Variants in PCDH7 observed in about 807,000 individuals in gnomAD.
PCDH7 encodes protocadherin 7, also known as protocadherin-7.
Under a neutral mutation model 58.9 loss-of-function variants are expected in PCDH7, and 17 were observed. The observed-to-expected ratio is 0.29, with a 90% CI of 0.20 to 0.43. The LOEUF (loss-of-function observed/expected upper bound fraction) is 0.43, where lower values mean the gene tolerates loss of function less well. Ranked by LOEUF, PCDH7 falls within the 20% of genes least tolerant of loss-of-function variation. The pLI is 1.00. For missense variants in PCDH7, 1,274 were observed against 1,441.0 expected (o/e 0.88, Z 1.88); for synonymous variants, 664 against 616.4 (o/e 1.08, Z -1.14).
chr4:31,086,107 G>T (rs1197209431), intron 3 of PCDH7, among the ~76,000 whole-genome samples: 1 of 152,176 alleles, frequency 6.6e-6, no homozygotes. Flanking sequence ...TGGAAAAATA[G>T]AATCTTTTCA....
intron 3 of PCDH7, among the ~76,000 whole-genome samples, chr4:30,987,035 AGT>A: frequency 6.6e-6 from 1 of 152,282 alleles, no homozygotes; most frequent in East Asian, 1.9e-4. Context: ...TCTACAATAC[AGT>A]GTGACATTTT....
intron 3 of PCDH7, among the ~76,000 whole-genome samples, chr4:30,992,793 C>CTTTTT (rs577504420): frequency 9.2e-4 from 88 of 95,636 alleles, no homozygotes; most frequent in African/African-American, 1.7e-3. Flanking sequence ...CTGTCCCATT[C>CTTTTT]TTTTTTTTTT....
chr4:31,139,551 G>C (rs1456511375), intron 3 of PCDH7, among the ~76,000 whole-genome samples: 1 of 152,150 alleles, frequency 6.6e-6, no homozygotes, highest in Admixed American at 6.5e-5. Flanking sequence ...AATTGCATGT[G>C]ATGTTTATCT....
At chr4:30,734,258 A>G (rs1220020999), downstream of PCDH7, among the ~76,000 whole-genome samples, 1 of 149,520 alleles carries the variant, frequency 6.7e-6, no homozygotes, top group Non-Finnish European at 1.5e-5. Context: ...TTTGAGACAT[A>G]GTCTGGCTCC....
intron 2 of PCDH7, among the ~76,000 whole-genome samples, chr4:30,939,218 T>A (rs1676370725): frequency 6.6e-6 from 1 of 152,200 alleles, no homozygotes; most frequent in South Asian, 2.1e-4. Flanking sequence ...TTTAAGTTTC[T>A]GTTGAAAACT....
rs1430861851 is a variant in PCDH7 at position 31,105,954 on chromosome 4, C to T, written c.*8-36519C>T. Among the ~76,000 whole-genome samples, 3 of 151,254 alleles carry T rather than the reference C, an allele frequency of 2.0e-5. No individual in the cohort carries two copies. The South Asian group carries it at 6.2e-4, about 31-fold the overall frequency. On this transcript the variant is annotated intron_variant, in intron 3 of 3. Transcript: ENST00000509759. ...CCCGGGAGGCAGAGCTTGCAGTGAG[C>T]CGTAATCGCGCCACTGCACTCCAGC...
chr4:30,965,457 T>C (rs1286433390), intron 3 of PCDH7, among the ~76,000 whole-genome samples: 2 of 152,022 alleles, frequency 1.3e-5, no homozygotes, highest in Admixed American at 1.3e-4. Flanking sequence ...AAAACAATTT[T>C]ATGTTAAATT....
At chr4:30,949,480 A>T (rs938014051) in intron 2 of PCDH7, among the ~76,000 whole-genome samples, 1 of 152,146 alleles carries the variant, frequency 6.6e-6, no homozygotes, top group East Asian at 1.9e-4. Flanking sequence ...GTGCATTTAT[A>T]CTTTTTGAAA....
chr4:30,723,021 C>T lies in PCDH7; in HGVS notation c.1599C>T (p.Pro533=), dbSNP rs1713945588. 5 of 1,613,794 alleles carry T rather than the reference C, an allele frequency of 3.1e-6. No individual in the cohort carries two copies. In the African/African-American group the frequency reaches 5.3e-5, roughly 17 times the overall value. ...TGGGAGACACCAACGACAACCCGCC[C>T]ATGTTCGGCCAGTCGGTGGTGGAGG... Residue 533 remains proline (P), a synonymous_variant, in exon 1 of 2, where the codon CCC becomes CCT. Coordinates refer to ENST00000361762, the Ensembl canonical transcript of PCDH7. This position sits in a 1 kb window ranked among gnomAD's most constrained non-coding sequence, Gnocchi z 4.6.
At chr4:30,913,347 TAAAG>T (rs1164824055) in intron 1 of PCDH7, among the ~76,000 whole-genome samples, 1 of 152,002 alleles carries the variant, frequency 6.6e-6, no homozygotes, top group Admixed American at 6.6e-5. Flanking sequence ...AAATAAAAAA[TAAAG>T]AAGTTATTAT....
At chr4:31,089,515 C>T (rs1712945398) in intron 3 of PCDH7, among the ~76,000 whole-genome samples, 1 of 151,688 alleles carries the variant, frequency 6.6e-6, no homozygotes, top group East Asian at 1.9e-4. Flanking sequence ...ATATTAGATG[C>T]TGTATATAAA....
chr4:30,937,448 C>T (rs944533159), intron 2 of PCDH7, among the ~76,000 whole-genome samples: 4 of 152,064 alleles, frequency 2.6e-5, no homozygotes, highest in African/African-American at 9.7e-5. Flanking sequence ...ACACAAGTCA[C>T]AACCTTTCCT....
At position 30,722,958 on chromosome 4, in the gene PCDH7, C is replaced by G. The variant is rs1467187972; in HGVS notation, c.1536C>G (p.Ser512Arg). 1 of 1,613,696 alleles carries G rather than the reference C, an allele frequency of 6.2e-7. No individual in the cohort carries two copies. Among genetic ancestry groups the G allele is most frequent in the Non-Finnish European group, 8.5e-7 (1 of 1,180,032 alleles). The change falls in exon 1 of 2, where the codon AGC becomes AGG. Residue 512 changes from serine to arginine, a missense_variant. Physicochemically the swap from Ser to Arg is moderately radical, Grantham distance 110. Coordinates refer to ENST00000361762, the Ensembl canonical transcript of PCDH7. The surrounding 1 kb of genome is among the most constrained non-coding windows in gnomAD (Gnocchi z 7.6). ...TCATCGTGGCGGTGGACTCAGGCAG[C>G]CCCAGCCTCTCGAGCAACAACTCCC...
intron 2 of PCDH7, among the ~76,000 whole-genome samples, chr4:30,922,770 A>T (rs1480786917): frequency 6.6e-6 from 1 of 152,116 alleles, no homozygotes; most frequent in African/African-American, 2.4e-5. Flanking sequence ...TTTGTCATCT[A>T]CTGGCTGTGA....
chr4:30,776,323 G>A (rs1364282166), intron 1 of PCDH7: 3 of 152,202 alleles, frequency 2.0e-5, no homozygotes, highest in Non-Finnish European at 4.4e-5. Context: ...AAGAAGAATG[G>A]AATGTAGTCT....
At chr4:30,790,587 T>C (rs1723987917) in intron 1 of PCDH7, among the ~76,000 whole-genome samples, 1 of 152,196 alleles carries the variant, frequency 6.6e-6, no homozygotes, top group Non-Finnish European at 1.5e-5. Context: ...ACAGAAATAT[T>C]GGATGAAGAT....
At chr4:30,997,783 C>T (rs1578520587) in intron 3 of PCDH7, among the ~76,000 whole-genome samples, 1 of 151,918 alleles carries the variant, frequency 6.6e-6, no homozygotes, top group African/African-American at 2.4e-5. Context: ...TTTAAAAGAA[C>T]GTTTAATAAA....
At chr4:30,787,003 A>C (rs1057432906) in intron 1 of PCDH7, among the ~76,000 whole-genome samples, 1 of 152,108 alleles carries the variant, frequency 6.6e-6, no homozygotes, top group African/African-American at 2.4e-5. Flanking sequence ...AAGTGAAAAA[A>C]ATCAAGCTCT....
intron 1 of PCDH7, among the ~76,000 whole-genome samples, chr4:30,864,603 A>G (rs1734643819): frequency 6.6e-6 from 1 of 152,128 alleles, no homozygotes; most frequent in Non-Finnish European, 1.5e-5. Flanking sequence ...TTATTGCACA[A>G]TAAAGTCAGT....
Sources: allele counts gnomAD v4.1 joint callset (sites outside exome capture counted in the v4.1 genomes callset), GRCh38; gene constraint gnomAD v4.1.1; non-coding constraint Gnocchi (gnomAD v3.1); transcripts MANE v1.5; gene names NCBI Gene and HGNC (gene_info 2026-07-23, HGNC 2026-07-21).